ASPRV1: variants seen among roughly 807,000 people sequenced by gnomAD.
ASPRV1 encodes the protein retroviral-like aspartic protease 1.
ASPRV1 carries 7 observed loss-of-function variants against 11.0 expected under a neutral mutation model. The observed-to-expected ratio is 0.64, with a 90% confidence interval of 0.36 to 1.20. ASPRV1 has a LOEUF of 1.20. ASPRV1 is among the 50% of genes most tolerant of loss of function. The probability of loss-of-function intolerance (pLI) is 0.02; values close to 1 mark genes in which losing one functional copy is unlikely to be tolerated. For synonymous variants in ASPRV1, 136 were observed against 138.4 expected, an observed-to-expected ratio of 0.98 and a Z score of 0.12; for missense variants, 299 against 320.0, an observed-to-expected ratio of 0.93 and a Z score of 0.50.
chr2:70,025,730 C>A, the ASPRV1 span, among the ~76,000 whole-genome samples: 4 of 152,218 alleles, frequency 2.6e-5, no homozygotes, highest in Non-Finnish European at 5.9e-5. Context: ...TCTGTGAACT[C>A]CAGCTTCTGC....
the ASPRV1 span, among the ~76,000 whole-genome samples, chr2:70,052,372 GAA>G: frequency 6.6e-6 from 1 of 151,890 alleles, no homozygotes; most frequent in Admixed American, 6.6e-5. Flanking sequence ...GAAATCAAGT[GAA>G]AAAAAGATGG....
At chr2:69,941,532 T>G in the ASPRV1 span, 1 of 152,240 alleles carries the variant, frequency 6.6e-6, no homozygotes, top group Non-Finnish European at 1.5e-5. Context: ...AACTGAACAT[T>G]AAGTAGGCCC....
At chr2:69,958,534 GCCA>G (rs575767708), downstream of ASPRV1, among the ~76,000 whole-genome samples, 50 of 152,216 alleles carry the variant, frequency 3.3e-4, 2 homozygotes, top group South Asian at 9.1e-3. Flanking sequence ...TTCTGGCCTG[GCCA>G]CCAATTCCTT....
upstream of ASPRV1, chr2:69,961,667 G>A: frequency 6.4e-7 from 1 of 1,555,254 alleles, no homozygotes; most frequent in Non-Finnish European, 8.7e-7. Context: ...TTGATGCCTA[G>A]GCTGGCCCCT....
the ASPRV1 span, among the ~76,000 whole-genome samples, chr2:70,081,656 T>A: frequency 2.4e-4 from 36 of 152,104 alleles, no homozygotes; most frequent in African/African-American, 8.7e-4. Flanking sequence ...CGATCATGGC[T>A]CAATACAGCC....
the ASPRV1 span, among the ~76,000 whole-genome samples, chr2:70,039,837 C>A: frequency 2.6e-5 from 4 of 152,190 alleles, no homozygotes. Context: ...GAAAGAACCA[C>A]ATCCTAAACA....
At chr2:70,006,488 G>C in the ASPRV1 span, among the ~76,000 whole-genome samples, 2 of 152,120 alleles carry the variant, frequency 1.3e-5, no homozygotes, top group Non-Finnish European at 2.9e-5. Flanking sequence ...TTCAAACTTA[G>C]GAGACCAAGA....
At chr2:70,046,401 T>TA in the ASPRV1 span, 2 of 152,172 alleles carry the variant, frequency 1.3e-5, no homozygotes, top group Admixed American at 1.3e-4. Context: ...ACTTGTCTCT[T>TA]AGTGATCCAG....
chr2:70,062,628 T>C, the ASPRV1 span, among the ~76,000 whole-genome samples: 2 of 152,168 alleles, frequency 1.3e-5, no homozygotes, highest in African/African-American at 4.8e-5. Flanking sequence ...CATTAAGTAA[T>C]CTAGACAGAG....
the ASPRV1 span, among the ~76,000 whole-genome samples, chr2:70,084,585 T>C: frequency 6.6e-6 from 1 of 152,252 alleles, no homozygotes; most frequent in Admixed American, 6.5e-5. Context: ...GTATAAGCGG[T>C]CACAACTTAT....
At chr2:69,953,310 T>A in the ASPRV1 span, among the ~76,000 whole-genome samples, 2 of 152,238 alleles carry the variant, frequency 1.3e-5, no homozygotes, top group Non-Finnish European at 2.9e-5. Context: ...CAGTGGTCAG[T>A]CCTGGGGATA....
the ASPRV1 span, among the ~76,000 whole-genome samples, chr2:70,072,888 T>TA: frequency 4.0e-5 from 3 of 74,460 alleles, no homozygotes; most frequent in Non-Finnish European, 7.7e-5. Flanking sequence ...CTTGTCTCTA[T>TA]AAAAAACTAA....
At chr2:70,070,008 A>T in the ASPRV1 span, among the ~76,000 whole-genome samples, 2 of 152,192 alleles carry the variant, frequency 1.3e-5, no homozygotes, top group East Asian at 3.9e-4. Context: ...GCGAAACCTC[A>T]TCTCTACTAA....
chr2:69,934,743 T>C, the ASPRV1 span, among the ~76,000 whole-genome samples: 1 of 152,234 alleles, frequency 6.6e-6, no homozygotes, highest in East Asian at 1.9e-4. Flanking sequence ...CTGGAAAATC[T>C]TTCCTAATAG....
the ASPRV1 span, among the ~76,000 whole-genome samples, chr2:70,000,253 C>T: frequency 6.8e-6 from 1 of 146,764 alleles, no homozygotes; most frequent in African/African-American, 2.5e-5. Flanking sequence ...CAGGCTAAGG[C>T]AGGAGTATTA....
At chr2:70,063,015 T>A in the ASPRV1 span, among the ~76,000 whole-genome samples, 1 of 152,112 alleles carries the variant, frequency 6.6e-6, no homozygotes, top group Non-Finnish European at 1.5e-5. Context: ...GTGCCTCACC[T>A]CACAGAGACT....
chr2:70,054,762 T>C, the ASPRV1 span, among the ~76,000 whole-genome samples: 1 of 152,116 alleles, frequency 6.6e-6, no homozygotes, highest in African/African-American at 2.4e-5. Flanking sequence ...CTCCCCCTTT[T>C]TGGTTCCATT....
the ASPRV1 span, chr2:69,940,929 C>T: frequency 6.6e-6 from 1 of 152,664 alleles, no homozygotes; most frequent in Non-Finnish European, 1.5e-5. Context: ...TGTCCTCTCT[C>T]ATTCACTGAT....
At chr2:69,970,180 T>C in the ASPRV1 span, among the ~76,000 whole-genome samples, 3 of 152,002 alleles carry the variant, frequency 2.0e-5, no homozygotes, top group African/African-American at 7.3e-5. Context: ...CCTGAGTCTC[T>C]CTCCTGCCTC....
Sources: gnomAD v4.1 joint callset for allele counts (sites outside exome capture counted in the v4.1 genomes callset) on GRCh38, gnomAD v4.1.1 for gene constraint, MANE v1.5 for transcripts, NCBI Gene and HGNC (gene_info 2026-07-23, HGNC 2026-07-21) for gene names.